The following ATP10B variants were observed in gnomAD, a reference collection of about 807,000 sequenced individuals.
The protein encoded by ATP10B is phospholipid-transporting ATPase VB.
ATP10B carries 122 observed loss-of-function variants against 141.2 expected under a neutral mutation model. The observed-to-expected ratio is 0.86, with a 90% CI of 0.75 to 1.00. The LOEUF (loss-of-function observed/expected upper bound fraction) is 1.00. Among genes scored for constraint, ATP10B ranks in the 50% least tolerant of loss-of-function variants. ATP10B has a pLI of 0.00. For synonymous variants in ATP10B, 685 were observed against 692.0 expected (o/e 0.99, Z 0.16); for missense variants, 1,876 against 1,825.3 (o/e 1.03, Z -0.51).
At chr5:160,834,551 A>T (rs1331147466) in intron 1 of ATP10B, among the ~76,000 whole-genome samples, 1 of 152,146 alleles carries the variant, frequency 6.6e-6, no homozygotes, top group Non-Finnish European at 1.5e-5. Flanking sequence ...ATTCTTTATG[A>T]AATGCTATTG....
intron 2 of ATP10B, among the ~76,000 whole-genome samples, chr5:160,735,832 A>AAG (rs1767079468): frequency 6.6e-6 from 1 of 152,300 alleles, no homozygotes; most frequent in South Asian, 2.1e-4. Flanking sequence ...GAAATCAATA[A>AAG]AGAGAAATTT....
In ATP10B at chr5:160,784,581, A is replaced by T. The variant is rs111717768; in HGVS notation, c.-331+978T>A. Among the ~76,000 whole-genome samples, 521 of 152,224 alleles carry T rather than the reference A, an allele frequency of 3.4e-3. 9 individuals are homozygous for T. Among genetic ancestry groups the T allele is most frequent in the African/African-American group, 0.012 (485 of 41,550 alleles). On this transcript the variant is annotated intron_variant, in intron 2 of 25. Coordinates refer to ENST00000327245, the MANE Select transcript of ATP10B (RefSeq NM_025153.3). ...AGTTGGCAGTGATGTTTACTCTTTGAGGGGGAGTTTATAATTATGCAAATT... is the reference window on the plus strand; with the variant it reads ...AGTTGGCAGTGATGTTTACTCTTTGTGGGGGAGTTTATAATTATGCAAATT...
At chr5:160,811,772 T>C (rs931938718) in intron 1 of ATP10B, among the ~76,000 whole-genome samples, 4 of 152,138 alleles carry the variant, frequency 2.6e-5, no homozygotes, top group Non-Finnish European at 5.9e-5. Context: ...GGGGAACTCA[T>C]TACTCTGAAA....
chr5:160,851,359 G>A (rs1051125751), intron 1 of ATP10B, among the ~76,000 whole-genome samples: 4 of 152,124 alleles, frequency 2.6e-5, no homozygotes, highest in African/African-American at 7.2e-5. Context: ...AGACCTGCAT[G>A]CATGGGGCTT....
At chr5:160,902,401 A>G in the ATP10B span, among the ~76,000 whole-genome samples, 1 of 152,198 alleles carries the variant, frequency 6.6e-6, no homozygotes. Flanking sequence ...CAAACTCACT[A>G]CTTTCAAGTT....
intron 17 of ATP10B, chr5:160,614,100 G>A (rs1409418069): frequency 6.6e-6 from 1 of 152,018 alleles, no homozygotes; most frequent in Admixed American, 6.6e-5. Context: ...ATCTTGAGGG[G>A]AGACAAAGAA....
chr5:160,815,803 AC>A (rs1248981024), intron 1 of ATP10B, among the ~76,000 whole-genome samples: 1 of 152,238 alleles, frequency 6.6e-6, no homozygotes, highest in African/African-American at 2.4e-5. Context: ...AGAAATTATA[AC>A]AAACTGTCTC....
At chr5:160,725,696 T>C (rs960877468) in intron 2 of ATP10B, among the ~76,000 whole-genome samples, 6 of 152,210 alleles carry the variant, frequency 3.9e-5, no homozygotes, top group African/African-American at 9.6e-5. Context: ...CTGCCCGCCT[T>C]GGCCTCCCAA....
At chr5:160,755,838 A>AAAAATATAT (rs1768538195) in intron 2 of ATP10B, among the ~76,000 whole-genome samples, 1 of 45,408 alleles carries the variant, frequency 2.2e-5, no homozygotes, top group Non-Finnish European at 4.1e-5. Flanking sequence ...AAAAAAAAAA[A>AAAAATATAT]ATATATATAT....
At chr5:160,819,262 G>C (rs1048018759) in intron 1 of ATP10B, among the ~76,000 whole-genome samples, 1 of 152,108 alleles carries the variant, frequency 6.6e-6, no homozygotes, top group Non-Finnish European at 1.5e-5. Context: ...CAGGCCAGGA[G>C]AGCATAGCAT....
chr5:160,573,279 C>T (rs1008593411), intron 24 of ATP10B, among the ~76,000 whole-genome samples: 9 of 152,178 alleles, frequency 5.9e-5, no homozygotes, highest in African/African-American at 1.4e-4. Flanking sequence ...GGAAGAGGGC[C>T]TGAACCAGAT....
intron 17 of ATP10B, among the ~76,000 whole-genome samples, chr5:160,614,762 AT>A (rs1483152613): frequency 6.6e-6 from 1 of 152,098 alleles, no homozygotes; most frequent in African/African-American, 2.4e-5. Flanking sequence ...TGGAACTCCT[AT>A]TTGGCTGGGC....
chr5:160,845,720 C>A (rs1029799060), intron 1 of ATP10B, among the ~76,000 whole-genome samples: 1 of 152,150 alleles, frequency 6.6e-6, no homozygotes, highest in Non-Finnish European at 1.5e-5. Flanking sequence ...CACTATTCTA[C>A]AATTATGTGC....
At chr5:160,862,762 C>T in the ATP10B span, among the ~76,000 whole-genome samples, 1 of 151,896 alleles carries the variant, frequency 6.6e-6, no homozygotes, top group African/African-American at 2.4e-5. Context: ...TTATTCTTTA[C>T]CATAATAACC....
chr5:160,674,569 T>A (rs572959771), intron 6 of ATP10B, among the ~76,000 whole-genome samples: 4 of 152,300 alleles, frequency 2.6e-5, no homozygotes, highest in Admixed American at 1.3e-4. Context: ...TTAGACATAA[T>A]CCTCTCTTCC....
the ATP10B span, among the ~76,000 whole-genome samples, chr5:160,874,194 G>A: frequency 5.3e-4 from 81 of 152,242 alleles, no homozygotes; most frequent in East Asian, 1.5e-3. Context: ...ATCTGAGAAC[G>A]GGCAGACTGC....
At chr5:160,866,427 A>AT in the ATP10B span, among the ~76,000 whole-genome samples, 1 of 152,130 alleles carries the variant, frequency 6.6e-6, no homozygotes, top group South Asian at 2.1e-4. Flanking sequence ...TCATCACAGT[A>AT]TTTTGGGAGG....
At chr5:160,765,364 A>G (rs1276586853) in intron 2 of ATP10B, among the ~76,000 whole-genome samples, 8 of 152,158 alleles carry the variant, frequency 5.3e-5, no homozygotes, top group Admixed American at 5.2e-4. Flanking sequence ...TGGTACTCGT[A>G]TAAAAACACC....
rs552760712 is a variant in ATP10B at position 160,682,284 on chromosome 5, T to C, written c.470+3795A>G. On this transcript the variant is annotated intron_variant, in intron 6 of 25. Transcript: ENST00000327245. Reference sequence around the variant, plus strand: ...TCCATTGGAGGAGGGCCAGCATATATAATTTGGCCATGCACGTATTTTTTC... The same window carrying C: ...TCCATTGGAGGAGGGCCAGCATATACAATTTGGCCATGCACGTATTTTTTC... 8.5e-5 allele frequency among the ~76,000 whole-genome samples: 13 copies of C among 152,346 alleles called. No individual in the cohort carries two copies. In the South Asian group the frequency reaches 2.7e-3, roughly 32 times the overall value.
Sources: gnomAD v4.1 joint callset for allele counts (sites outside exome capture counted in the v4.1 genomes callset) on GRCh38, gnomAD v4.1.1 for gene constraint, MANE v1.5 for transcripts, NCBI Gene and HGNC (gene_info 2026-07-23, HGNC 2026-07-21) for gene names.